Variants in UBE2D1 observed in about 807,000 individuals in gnomAD.
UBE2D1 encodes the protein ubiquitin conjugating enzyme E2 D1.
Under a neutral mutation model 24.6 loss-of-function variants are expected in UBE2D1, and 9 were observed. The observed-to-expected ratio is 0.37, with a 90% CI of 0.22 to 0.64. UBE2D1 has a LOEUF of 0.64. UBE2D1 is among the 30% of genes least tolerant of loss of function. UBE2D1 has a pLI of 0.64. For synonymous variants in UBE2D1, 57 were observed against 57.6 expected, an observed-to-expected ratio of 0.99 and a Z score of 0.04; for missense variants, 87 against 177.1, an observed-to-expected ratio of 0.49 and a Z score of 2.89.
chr10:58,367,985 A>G lies in UBE2D1; in HGVS notation c.367A>G (p.Ile123Val). ...TCCAGATGACCCCTTAGTACCAGAT[A>G]TTGCACAAATCTATAAATCAGACAA... ...PNPDDPLVPD[I>V]AQIYKSDKEK... The change falls in exon 6 of 7, where the codon ATT (isoleucine) becomes GTT (valine). Residue 123 changes from isoleucine to valine, a missense_variant. Ile to Val is a conservative substitution (Grantham distance 29). Coordinates refer to ENST00000373910, the MANE Select transcript of UBE2D1 (RefSeq NM_003338.5). 1 of 1,610,618 alleles carries G rather than the reference A, an allele frequency of 6.2e-7. No individual in the cohort carries two copies. Among genetic ancestry groups the G allele is most frequent in the Non-Finnish European group, 8.5e-7 (1 of 1,177,706 alleles).
intron 1 of UBE2D1, among the ~76,000 whole-genome samples, chr10:58,350,021 C>T (rs1840056009): frequency 3.3e-5 from 5 of 152,068 alleles, no homozygotes; most frequent in African/African-American, 7.2e-5. Flanking sequence ...TCGAGTTGTT[C>T]GTTCTACTGT....
At chr10:58,359,184 A>T (rs1282650234) in intron 1 of UBE2D1, among the ~76,000 whole-genome samples, 1 of 152,052 alleles carries the variant, frequency 6.6e-6, no homozygotes, top group African/African-American at 2.4e-5. Flanking sequence ...GTTTGTCTCT[A>T]TTAGAGCACT....
intron 4 of UBE2D1, among the ~76,000 whole-genome samples, chr10:58,364,125 A>G (rs1345165907): frequency 6.6e-6 from 1 of 151,842 alleles, no homozygotes; most frequent in Non-Finnish European, 1.5e-5. Context: ...GCAGTCCCTT[A>G]ATTTAGTATG....
intron 1 of UBE2D1, among the ~76,000 whole-genome samples, chr10:58,351,670 G>T (rs1356501361): frequency 1.3e-5 from 2 of 152,272 alleles, no homozygotes; most frequent in Non-Finnish European, 2.9e-5. Context: ...AAGAGTACAT[G>T]CTGACATAAT....
chr10:58,368,018 TA>T lies in UBE2D1; in HGVS notation c.398+4del, dbSNP rs748083433. 1 of 1,602,432 alleles carries T rather than the reference TA, an allele frequency of 6.2e-7. No individual in the cohort carries two copies. Among genetic ancestry groups the T allele is most frequent in the Non-Finnish European group, 8.5e-7 (1 of 1,170,836 alleles). On this transcript the variant is annotated splice_donor_region_variant and intron_variant, in intron 6 of 6. Transcript: ENST00000373910. Reference sequence around the variant, plus strand: ...AATCTATAAATCAGACAAAGAAAAGTAAGTGTTTACTTATTTTAGTTTCTGT... The same window carrying T: ...AATCTATAAATCAGACAAAGAAAAGTAGTGTTTACTTATTTTAGTTTCTGT...
intron 1 of UBE2D1, among the ~76,000 whole-genome samples, chr10:58,340,752 C>T (rs1317413373): frequency 1.3e-5 from 2 of 152,102 alleles, no homozygotes; most frequent in Non-Finnish European, 2.9e-5. Context: ...CTAGTAGCCA[C>T]GTTTTTAAAA....
In UBE2D1 at chr10:58,367,934, A is replaced by C. The variant is rs1172904056; in HGVS notation, c.316A>C (p.Ile106Leu). Residue 106 changes from isoleucine (I) to leucine (L), a missense_variant, in exon 6 of 7, where the codon ATA becomes CTA. Physicochemically the swap from Ile to Leu is conservative, Grantham distance 5. Transcript: ENST00000373910. ...TCTTTTAAATCTAGTTTTATTGTCC[A>C]TATGTTCTCTACTTTGTGATCCTAA... Reference protein sequence around the residue: ...ALTVSKVLLSICSLLCDPNPD... With the variant: ...ALTVSKVLLSLCSLLCDPNPD... 6.2e-7 allele frequency: 1 copy of C among 1,607,092 alleles called. No homozygotes were observed. Among genetic ancestry groups the C allele is most frequent in the Non-Finnish European group, 8.5e-7 (1 of 1,174,560 alleles).
At chr10:58,352,642 T>C (rs1840090110) in intron 1 of UBE2D1, among the ~76,000 whole-genome samples, 1 of 152,054 alleles carries the variant, frequency 6.6e-6, no homozygotes, top group Non-Finnish European at 1.5e-5. Context: ...ATTTCACAAA[T>C]AGGGGTACTA....
intron 1 of UBE2D1, among the ~76,000 whole-genome samples, chr10:58,335,925 A>G (rs1839898855): frequency 6.6e-6 from 1 of 152,216 alleles, no homozygotes; most frequent in Non-Finnish European, 1.5e-5. Flanking sequence ...CAAGCCAAAC[A>G]GGTTTTTTTC....
intron 1 of UBE2D1, among the ~76,000 whole-genome samples, chr10:58,336,580 T>A (rs1468287008): frequency 6.6e-6 from 1 of 152,214 alleles, no homozygotes; most frequent in East Asian, 1.9e-4. Flanking sequence ...ACAATCAGCA[T>A]CAGCATTTAT....
intron 1 of UBE2D1, among the ~76,000 whole-genome samples, chr10:58,358,876 T>A (rs1250121235): frequency 6.6e-6 from 1 of 151,716 alleles, no homozygotes; most frequent in Non-Finnish European, 1.5e-5. Context: ...CCCTCCTGCC[T>A]CAGCCTCCCA....
intron 1 of UBE2D1, among the ~76,000 whole-genome samples, chr10:58,336,460 A>G (rs1012340159): frequency 9.9e-5 from 15 of 152,198 alleles, no homozygotes; most frequent in Non-Finnish European, 1.9e-4. Context: ...GGTACAGAGG[A>G]CAGCAACTTT....
chr10:58,356,900 A>G (rs1008841657), intron 1 of UBE2D1, among the ~76,000 whole-genome samples: 1 of 152,184 alleles, frequency 6.6e-6, no homozygotes, highest in Non-Finnish European at 1.5e-5. Flanking sequence ...TGTCTTTGAG[A>G]TCTTTTAATG....
intron 1 of UBE2D1, among the ~76,000 whole-genome samples, chr10:58,347,008 GGCTCC>G (rs2132319165): frequency 6.6e-6 from 1 of 152,286 alleles, no homozygotes; most frequent in African/African-American, 2.4e-5. Flanking sequence ...AAGTATCACA[GGCTCC>G]CTGGTCTAGG....
intron 5 of UBE2D1, among the ~76,000 whole-genome samples, chr10:58,365,569 A>T (rs1361990896): frequency 1.3e-5 from 2 of 152,206 alleles, no homozygotes; most frequent in South Asian, 4.1e-4. Context: ...GCTGATTCTC[A>T]ACTTTTACAG....
At chr10:58,345,543 T>A (rs1040617219) in intron 1 of UBE2D1, among the ~76,000 whole-genome samples, 38 of 152,150 alleles carry the variant, frequency 2.5e-4, no homozygotes, top group African/African-American at 8.7e-4. Context: ...AGTAAGGAGA[T>A]GCTAGTTATG....
At chr10:58,339,480 A>G (rs1290896908) in intron 1 of UBE2D1, among the ~76,000 whole-genome samples, 1 of 152,094 alleles carries the variant, frequency 6.6e-6, no homozygotes, top group East Asian at 1.9e-4. Flanking sequence ...TTTTCCATAC[A>G]TTTCCATACA....
In UBE2D1 at chr10:58,357,697, A is replaced by G. The variant is rs528135623; in HGVS notation, c.25-3641A>G. Among the ~76,000 whole-genome samples the G allele has an allele frequency of 5.1e-4, 77 of 152,252 alleles. 1 individual carries two copies. In the East Asian group the frequency reaches 0.014, roughly 28 times the overall value. ...CCTAGTTTCAGTTACGTATTTCTGAAAAAATAACAGGACGTATTTCCAGAC... is the reference window on the plus strand; with the variant it reads ...CCTAGTTTCAGTTACGTATTTCTGAGAAAATAACAGGACGTATTTCCAGAC... On this transcript the variant is annotated intron_variant, in intron 1 of 6. Coordinates refer to ENST00000373910, the MANE Select transcript of UBE2D1 (RefSeq NM_003338.5).
Position 58,351,634 on chromosome 10 carries a change from C to T in UBE2D1, c.25-9704C>T, listed in dbSNP as rs540573507. ...AAGAACCTGCCTGAGTCTGTTTTAC[C>T]GTTCTTTTTTTATTTTATAAGTAGA... On this transcript the variant is annotated intron_variant, in intron 1 of 6. Coordinates refer to ENST00000373910, the MANE Select transcript of UBE2D1 (RefSeq NM_003338.5). 1.8e-3 allele frequency among the ~76,000 whole-genome samples: 278 copies of T among 152,238 alleles called. 1 individual carries two copies. Among genetic ancestry groups the T allele is most frequent in the Non-Finnish European group, 3.0e-3 (202 of 68,016 alleles).
Sources: gnomAD v4.1 joint callset for allele counts (sites outside exome capture counted in the v4.1 genomes callset) on GRCh38, gnomAD v4.1.1 for gene constraint, MANE v1.5 for transcripts, NCBI Gene and HGNC (gene_info 2026-07-23, HGNC 2026-07-21) for gene names.